CELF2: variants seen among roughly 807,000 people sequenced by gnomAD.
CELF2 encodes CUG triplet repeat RNA-binding protein 2.
CELF2 carries 8 observed loss-of-function variants against 62.6 expected under a neutral mutation model. The observed-to-expected ratio is 0.13, with a 90% CI of 0.07 to 0.23. The LOEUF (loss-of-function observed/expected upper bound fraction) is 0.23, where lower values mean the gene tolerates loss of function less well. Among genes scored for constraint, CELF2 ranks in the 10% least tolerant of loss-of-function variants. The probability of loss-of-function intolerance (pLI) is 1.00; values close to 1 mark genes in which losing one functional copy is unlikely to be tolerated. For missense variants in CELF2, 333 were observed against 671.0 expected (o/e 0.50, Z 5.56); for synonymous variants, 258 against 250.0 (o/e 1.03, Z -0.30).
intron 4 of CELF2, 108 bp downstream of exon 4, chr10:11,249,309 CAG>C (rs2076465357): frequency 1.2e-6 from 1 of 842,280 alleles, no homozygotes; most frequent in Non-Finnish European, 2.0e-6. Flanking sequence ...CTCTAGAGGA[CAG>C]AGAGCGCTGC....
chr10:11,083,914 C>T (rs1328375149), intron 1 of CELF2, among the ~76,000 whole-genome samples: 1 of 152,202 alleles, frequency 6.6e-6, no homozygotes, highest in Non-Finnish European at 1.5e-5. Context: ...TCACTCTGTG[C>T]TTCCCGTTGC....
At chr10:11,069,391 C>T (rs1453296901) in intron 1 of CELF2, among the ~76,000 whole-genome samples, 1 of 152,102 alleles carries the variant, frequency 6.6e-6, no homozygotes, top group African/African-American at 2.4e-5. Context: ...ATTCTTCAGA[C>T]GAAGATATCC....
upstream of CELF2, among the ~76,000 whole-genome samples, chr10:10,793,651 C>T (rs993781701): frequency 7.2e-5 from 11 of 152,216 alleles, no homozygotes; most frequent in Admixed American, 3.9e-4. Context: ...TATGGAATTC[C>T]CTAATTTTCC....
chr10:10,746,063 G>A, the CELF2 span, among the ~76,000 whole-genome samples: 1 of 152,094 alleles, frequency 6.6e-6, no homozygotes, highest in Non-Finnish European at 1.5e-5. Context: ...TAATTAGATG[G>A]CCAGTCCAGG....
At chr10:11,067,242 C>T (rs2068421441) in intron 1 of CELF2, among the ~76,000 whole-genome samples, 1 of 152,126 alleles carries the variant, frequency 6.6e-6, no homozygotes, top group Non-Finnish European at 1.5e-5. Context: ...TAAATGTGTA[C>T]ATATTTGGCA....
chr10:11,049,160 A>T (rs1407570883), intron 1 of CELF2, among the ~76,000 whole-genome samples: 1 of 152,124 alleles, frequency 6.6e-6, no homozygotes, highest in Non-Finnish European at 1.5e-5. Context: ...TTAAAAAAAA[A>T]ATCAGCTTAG....
At chr10:10,814,365 A>G (rs2056245929) in intron 1 of CELF2, among the ~76,000 whole-genome samples, 1 of 152,136 alleles carries the variant, frequency 6.6e-6, no homozygotes, top group Non-Finnish European at 1.5e-5. Flanking sequence ...GTCTGTATCC[A>G]TGATTGCTGT....
At chr10:10,999,318 G>A (rs201108) in intron 2 of CELF2, among the ~76,000 whole-genome samples, 41,222 of 152,178 alleles carry the variant, frequency 0.27, 9,420 homozygotes, top group African/African-American at 0.62. Flanking sequence ...AAATGGAGAA[G>A]CTCCCTGTTT....
chr10:11,114,824 T>A (rs1048857243), intron 1 of CELF2, among the ~76,000 whole-genome samples: 1 of 152,246 alleles, frequency 6.6e-6, no homozygotes, highest in Non-Finnish European at 1.5e-5. Context: ...TCATTTATTA[T>A]ACGATTTTGA....
chr10:11,141,028 C>T (rs2061270910), intron 1 of CELF2, among the ~76,000 whole-genome samples: 1 of 152,174 alleles, frequency 6.6e-6, no homozygotes, highest in Non-Finnish European at 1.5e-5. Context: ...AAAAATAAAG[C>T]ATAGTTGCTA....
At chr10:10,873,310 C>T (rs2060873717) in intron 1 of CELF2, among the ~76,000 whole-genome samples, 1 of 152,002 alleles carries the variant, frequency 6.6e-6, no homozygotes, top group Non-Finnish European at 1.5e-5. Context: ...ACGAGCCGTA[C>T]CTTGTTGTGC....
intron 1 of CELF2, among the ~76,000 whole-genome samples, chr10:10,893,518 G>A (rs1302398257): frequency 3.3e-5 from 5 of 152,156 alleles, no homozygotes; most frequent in Non-Finnish European, 7.3e-5. Context: ...AGGGTCCCCA[G>A]AGCAAACCCA....
chr10:11,183,437 GC>G (rs1241698815), intron 2 of CELF2, among the ~76,000 whole-genome samples: 1 of 152,182 alleles, frequency 6.6e-6, no homozygotes, highest in African/African-American at 2.4e-5. Flanking sequence ...AAAGACAAGT[GC>G]TTTTGTCGCT....
At chr10:10,662,440 A>C in the CELF2 span, among the ~76,000 whole-genome samples, 6 of 152,120 alleles carry the variant, frequency 3.9e-5, no homozygotes, top group African/African-American at 1.4e-4. Context: ...TGCACCACAG[A>C]GACAACGCAA....
the CELF2 span, among the ~76,000 whole-genome samples, chr10:10,766,472 A>G: frequency 6.6e-6 from 1 of 152,136 alleles, no homozygotes; most frequent in Non-Finnish European, 1.5e-5. Flanking sequence ...GGAAAGACAC[A>G]CTGCTGCCTC....
At chr10:10,962,887 C>T (rs2049686634) in intron 2 of CELF2, among the ~76,000 whole-genome samples, 1 of 152,204 alleles carries the variant, frequency 6.6e-6, no homozygotes, top group African/African-American at 2.4e-5. Context: ...TTTGCTTGGC[C>T]ATTTTCCATA....
the CELF2 span, among the ~76,000 whole-genome samples, chr10:10,530,196 G>A: frequency 1.3e-5 from 2 of 152,190 alleles, no homozygotes; most frequent in Non-Finnish European, 2.9e-5. Context: ...CCTCTCCATA[G>A]ACAGAGTAGG....
intron 1 of CELF2, among the ~76,000 whole-genome samples, chr10:10,814,371 G>T (rs1564658156): frequency 6.6e-6 from 1 of 152,090 alleles, no homozygotes; most frequent in Non-Finnish European, 1.5e-5. Flanking sequence ...ATCCATGATT[G>T]CTGTCTTCAT....
chr10:11,090,921 G>A (rs780769776), intron 1 of CELF2, among the ~76,000 whole-genome samples: 4 of 152,054 alleles, frequency 2.6e-5, no homozygotes, highest in African/African-American at 4.8e-5. Context: ...AACAACCGAT[G>A]GTTAAATTAG....
Sources: gnomAD v4.1 joint callset for allele counts (sites outside exome capture counted in the v4.1 genomes callset) on GRCh38, gnomAD v4.1.1 for gene constraint, MANE v1.5 for transcripts, NCBI Gene and HGNC (gene_info 2026-07-23, HGNC 2026-07-21) for gene names.